The following KIF26B variants were observed in gnomAD, a reference collection of about 807,000 sequenced individuals.
KIF26B encodes the protein kinesin-like protein KIF26B.
In KIF26B, 63 loss-of-function variants were observed where a neutral mutation model predicts 151.2. The ratio of observed to expected loss-of-function variants is 0.42; its 90% CI spans 0.34 to 0.51. The LOEUF is 0.51. KIF26B is among the 20% of genes least tolerant of loss of function. The pLI is 0.07. For missense variants in KIF26B, 2,813 were observed against 2,913.6 expected, an observed-to-expected ratio of 0.97 and a Z score of 0.79; for synonymous variants, 1,357 against 1,262.1, an observed-to-expected ratio of 1.08 and a Z score of -1.59.
chr1:245,697,999 AC>A lies in KIF26B; in HGVS notation c.5825-105del. The stretch of plus-strand genomic sequence containing the variant: ...AAGGCTGCAGTGAGCTATGGATCGC[AC>A]CACTGCACTCCAGCCTGGGCAACAG... On this transcript the variant is annotated intron_variant, in intron 12 of 14. Transcript: ENST00000407071. The A allele has an allele frequency of 4.1e-6, 4 of 981,102 alleles. No homozygotes were observed. In the Admixed American group the frequency reaches 1.1e-4, roughly 26 times the overall value. The allele number at this position is 981,102 out of a possible 1,614,324, so 60.8% of individuals were successfully genotyped here. A position where few individuals can be genotyped will look rare whatever the true frequency, so the allele number is the denominator to read the frequency against.
At chr1:245,537,001 C>T (rs552872294) in intron 4 of KIF26B, among the ~76,000 whole-genome samples, 71 of 152,098 alleles carry the variant, frequency 4.7e-4, no homozygotes, top group Admixed American at 1.6e-3. Context: ...TGCTTGGGTT[C>T]AAGAAGGAAC....
In KIF26B at chr1:245,166,064, C is replaced by T. The variant is rs1240639692; in HGVS notation, c.465+9381C>T. ...CCAGGCTCCGTCACTTAGGGTGTGACCTTGGGCAAGCCTTGGTCTTTCTAA... is the reference window on the plus strand; with the variant it reads ...CCAGGCTCCGTCACTTAGGGTGTGATCTTGGGCAAGCCTTGGTCTTTCTAA... On this transcript the variant is annotated intron_variant, in intron 2 of 14. Coordinates refer to ENST00000407071, the MANE Select transcript of KIF26B (RefSeq NM_018012.4). This position sits in a 1 kb window ranked among gnomAD's most constrained non-coding sequence, Gnocchi z 4.5. Among the ~76,000 whole-genome samples the T allele has an allele frequency of 6.6e-6, 1 of 152,160 alleles. No individual in the cohort carries two copies. The highest frequency in any genetic ancestry group is 1.5e-5 in the Non-Finnish European group (1 of 68,038).
In KIF26B at chr1:245,367,485, T is replaced by G. The variant is rs1277940804; in HGVS notation, c.999+118T>G. ...ACCCTGTAACTCAGAGCCCAGTGTT[T>G]CCATGTGGCCCCCACAGAGTTCTCA... On this transcript the variant is annotated intron_variant, in intron 3 of 14. Transcript: ENST00000407071. The surrounding 1 kb of genome is among the most constrained non-coding windows in gnomAD (Gnocchi z 4.2). 2.1e-6 allele frequency: 2 copies of G among 969,784 alleles called. No homozygotes were observed. The highest frequency in any genetic ancestry group is 3.0e-6 in the Non-Finnish European group (2 of 670,176). 60.1% of individuals were successfully genotyped at this position (969,784 alleles called of 1,614,324 possible).
At chr1:245,593,026 T>A (rs564955649) in intron 5 of KIF26B, among the ~76,000 whole-genome samples, 27 of 152,270 alleles carry the variant, frequency 1.8e-4, no homozygotes, top group African/African-American at 5.8e-4. Flanking sequence ...GGAATATGAC[T>A]CTTTGGTACC....
intron 4 of KIF26B, among the ~76,000 whole-genome samples, chr1:245,471,095 A>G (rs567651318): frequency 1.3e-5 from 2 of 151,036 alleles, no homozygotes; most frequent in East Asian, 3.9e-4. Flanking sequence ...AGTTGAGCCT[A>G]TTATTTAGAT....
In KIF26B at chr1:245,303,956, A is replaced by C. The variant is rs1380219326; in HGVS notation, c.466-62878A>C. Reference sequence around the variant, plus strand: ...GCCTCCTCCACAGAGTAAATGTGATACTTCTCGAGTTAATGACTATGTTGG... The same window carrying C: ...GCCTCCTCCACAGAGTAAATGTGATCCTTCTCGAGTTAATGACTATGTTGG... On this transcript the variant is annotated intron_variant, in intron 2 of 14. Transcript: ENST00000407071. 3.9e-5 allele frequency among the ~76,000 whole-genome samples: 6 copies of C among 152,212 alleles called. No individual in the cohort carries two copies. The East Asian group carries it at 1.2e-3, about 29-fold the overall frequency.
At chr1:245,523,056 C>T (rs1485022930) in intron 4 of KIF26B, among the ~76,000 whole-genome samples, 1 of 152,186 alleles carries the variant, frequency 6.6e-6, no homozygotes, top group Non-Finnish European at 1.5e-5. Flanking sequence ...GCTAGCTACT[C>T]TTACCATCCT....
At chr1:245,307,541 A>T (rs1304558645) in intron 2 of KIF26B, among the ~76,000 whole-genome samples, 1 of 152,258 alleles carries the variant, frequency 6.6e-6, no homozygotes, top group Non-Finnish European at 1.5e-5. Context: ...AGTATTTCAG[A>T]TACACAGAGA....
At chr1:245,580,068 G>C (rs2043160410) in intron 5 of KIF26B, among the ~76,000 whole-genome samples, 1 of 152,144 alleles carries the variant, frequency 6.6e-6, no homozygotes, top group South Asian at 2.1e-4. Flanking sequence ...GCTGTACCGT[G>C]CCGATAATCA....
chr1:245,517,094 G>A (rs1230024062), intron 4 of KIF26B, among the ~76,000 whole-genome samples: 1 of 152,228 alleles, frequency 6.6e-6, no homozygotes, highest in Non-Finnish European at 1.5e-5. Flanking sequence ...GGCCGGGTGT[G>A]GTGGCTCACA....
intron 2 of KIF26B, among the ~76,000 whole-genome samples, chr1:245,315,291 A>C (rs563781098): frequency 6.6e-6 from 1 of 152,232 alleles, no homozygotes; most frequent in Non-Finnish European, 1.5e-5. Flanking sequence ...CTGGAGATGG[A>C]TGGTGGCAAC....
rs185981953 is a variant in KIF26B at position 245,544,681 on chromosome 1, T to C, written c.1350+3731T>C. Among the ~76,000 whole-genome samples the C allele has an allele frequency of 2.6e-3, 390 of 152,238 alleles. 6 individuals carry two copies. Among genetic ancestry groups the C allele is most frequent in the South Asian group, 0.014 (69 of 4,816 alleles). On this transcript the variant is annotated intron_variant, in intron 5 of 14. Coordinates refer to ENST00000407071, the MANE Select transcript of KIF26B (RefSeq NM_018012.4). ...CTAGATAAACATGACCCTTGACAAT[T>C]TGGGGTGGAGACAAGAGTGTCATGG...
At chr1:245,660,524 A>G (rs978319592) in intron 10 of KIF26B, among the ~76,000 whole-genome samples, 1 of 151,398 alleles carries the variant, frequency 6.6e-6, no homozygotes, top group African/African-American at 2.4e-5. Flanking sequence ...ATTTTTTTCT[A>G]GAGCCAGGGT....
Position 245,367,327 on chromosome 1 carries a change from C to A in KIF26B, c.959C>A (p.Ser320Tyr), listed in dbSNP as rs753405676. The change falls in exon 3 of 15, where the codon TCC becomes TAC. Residue 320 changes from serine (S) to tyrosine (Y), a missense_variant. Physicochemically the swap from Ser to Tyr is moderately radical, Grantham distance 144. Coordinates refer to ENST00000407071, the MANE Select transcript of KIF26B (RefSeq NM_018012.4). The surrounding 1 kb of genome is among the most constrained non-coding windows in gnomAD (Gnocchi z 4.2). ...CACCAGTACCTGGATGGCACCTGGT[C>A]CCTGTCGAGAACCAACGGGGTCACC... Reference protein sequence around the residue: ...QAHQYLDGTWSLSRTNGVTLY... With the variant: ...QAHQYLDGTWYLSRTNGVTLY... 6.3e-7 allele frequency: 1 copy of A among 1,595,908 alleles called. No homozygotes were observed. Among genetic ancestry groups the A allele is most frequent in the Admixed American group, 1.7e-5 (1 of 57,148 alleles).
At chr1:245,478,116 C>T (rs568895570) in intron 4 of KIF26B, among the ~76,000 whole-genome samples, 3 of 151,884 alleles carry the variant, frequency 2.0e-5, no homozygotes, top group African/African-American at 4.8e-5. Flanking sequence ...CTTTCTTTCA[C>T]GTCACATAAT....
Position 245,682,905 on chromosome 1 carries a change from G to GCTCCTC in KIF26B, c.2259-1309_2259-1304dup, listed in dbSNP as rs35122706. Among the ~76,000 whole-genome samples the GCTCCTC allele has an allele frequency of 1.9e-3, 282 of 151,520 alleles. 3 individuals carry two copies. The highest frequency in any genetic ancestry group is 5.7e-3 in the African/African-American group (237 of 41,226). On this transcript the variant is annotated intron_variant, in intron 10 of 14. Transcript: ENST00000407071. Reference sequence around the variant, plus strand: ...GTTCTGAAGGAGTTAAACTTTCACAGCTCCTCCTCCTCCTCCTCCTCCTCT... The same window carrying GCTCCTC: ...GTTCTGAAGGAGTTAAACTTTCACAGCTCCTCCTCCTCCTCCTCCTCCTCCTCCTCT...
chr1:245,521,109 G>T (rs188784213), intron 4 of KIF26B, among the ~76,000 whole-genome samples: 1,987 of 152,202 alleles, frequency 0.013, 16 homozygotes, highest in Non-Finnish European at 0.022. Context: ...AGGCCGAGGC[G>T]GGCGGATCAC....
At chr1:245,661,175 T>A (rs1252309954) in intron 10 of KIF26B, among the ~76,000 whole-genome samples, 1 of 151,684 alleles carries the variant, frequency 6.6e-6, no homozygotes, top group South Asian at 2.1e-4. Flanking sequence ...TTAGTAGAGA[T>A]GGGGTTTTGC....
At chr1:245,693,501 C>A (rs1342521915) in intron 12 of KIF26B, among the ~76,000 whole-genome samples, 1 of 152,248 alleles carries the variant, frequency 6.6e-6, no homozygotes, top group African/African-American at 2.4e-5. Context: ...TTTCTCATAT[C>A]TTTTCCTGCT....
Sources: gnomAD v4.1 joint callset for allele counts (sites outside exome capture counted in the v4.1 genomes callset) on GRCh38, gnomAD v4.1.1 for gene constraint, Gnocchi (gnomAD v3.1) non-coding constraint, MANE v1.5 for transcripts, NCBI Gene and HGNC (gene_info 2026-07-23, HGNC 2026-07-21) for gene names.